Variants in CELF2 observed in about 807,000 individuals in gnomAD.
CELF2 encodes the protein CUGBP Elav-like family member 2, also known as CUG triplet repeat RNA-binding protein 2.
In CELF2, 8 loss-of-function variants were observed where a neutral mutation model predicts 62.6. The observed-to-expected ratio is 0.13, with a 90% confidence interval of 0.07 to 0.23. The LOEUF (loss-of-function observed/expected upper bound fraction) is 0.23. Ranked by LOEUF, CELF2 falls within the 10% of genes least tolerant of loss-of-function variation. The pLI is 1.00. For synonymous variants in CELF2, 258 were observed against 250.0 expected, an observed-to-expected ratio of 1.03 and a Z score of -0.30; for missense variants, 333 against 671.0, an observed-to-expected ratio of 0.50 and a Z score of 5.56.
At chr10:10,724,932 G>A in the CELF2 span, among the ~76,000 whole-genome samples, 1 of 147,658 alleles carries the variant, frequency 6.8e-6, no homozygotes, top group African/African-American at 2.5e-5. Flanking sequence ...TCTGAAGGGG[G>A]CATGATTTTT....
chr10:10,763,594 ATAAACCATG>A, the CELF2 span, among the ~76,000 whole-genome samples: 2 of 152,252 alleles, frequency 1.3e-5, no homozygotes, highest in African/African-American at 4.8e-5. Flanking sequence ...AAACCAACAT[ATAAACCATG>A]TCTCTTTTGT....
intron 4 of CELF2, among the ~76,000 whole-genome samples, chr10:11,249,799 C>G (rs754619092): frequency 6.6e-6 from 1 of 152,154 alleles, no homozygotes; most frequent in Admixed American, 6.5e-5. Context: ...TTTGCCTATT[C>G]GAGACATGAG....
chr10:10,477,435 C>G, the CELF2 span, among the ~76,000 whole-genome samples: 1 of 152,050 alleles, frequency 6.6e-6, no homozygotes, highest in Non-Finnish European at 1.5e-5. Flanking sequence ...CTGGTTTGCC[C>G]AAGTCATAGT....
At chr10:10,625,913 CTT>C in the CELF2 span, among the ~76,000 whole-genome samples, 1 of 145,772 alleles carries the variant, frequency 6.9e-6, no homozygotes, top group African/African-American at 2.5e-5. Context: ...TCATGTGATT[CTT>C]TTTTTTTTTT....
intron 1 of CELF2, among the ~76,000 whole-genome samples, chr10:11,100,398 G>T (rs749345465): frequency 6.9e-6 from 1 of 144,946 alleles, no homozygotes; most frequent in Non-Finnish European, 1.5e-5. Context: ...AGTAGTTTTT[G>T]GGGTACAGGT....
chr10:10,902,424 GA>G (rs1410798708), intron 1 of CELF2, among the ~76,000 whole-genome samples: 2 of 152,240 alleles, frequency 1.3e-5, no homozygotes, highest in African/African-American at 4.8e-5. Flanking sequence ...GAAAGGTAAT[GA>G]GATGTTTATA....
the CELF2 span, among the ~76,000 whole-genome samples, chr10:10,491,868 C>A: frequency 7.9e-5 from 12 of 152,142 alleles, no homozygotes; most frequent in Non-Finnish European, 1.5e-5. Flanking sequence ...TACATACAAG[C>A]CCAAATGATC....
At chr10:11,083,499 T>C (rs2074583952) in intron 1 of CELF2, among the ~76,000 whole-genome samples, 1 of 152,300 alleles carries the variant, frequency 6.6e-6, no homozygotes, top group East Asian at 1.9e-4. Context: ...ATAACCAGCC[T>C]ATCAAGGATG....
intron 1 of CELF2, among the ~76,000 whole-genome samples, chr10:11,112,842 A>G (rs1595523694): frequency 2.0e-5 from 3 of 152,216 alleles, no homozygotes; most frequent in Non-Finnish European, 2.9e-5. Flanking sequence ...TGCGTAGCCC[A>G]TATCCGAAGC....
At chr10:10,501,612 A>G in the CELF2 span, among the ~76,000 whole-genome samples, 1 of 152,172 alleles carries the variant, frequency 6.6e-6, no homozygotes, top group African/African-American at 2.4e-5. Flanking sequence ...GTTGGTATAT[A>G]CAAGTGCAAC....
chr10:10,671,670 T>C, the CELF2 span, among the ~76,000 whole-genome samples: 4 of 152,220 alleles, frequency 2.6e-5, no homozygotes, highest in East Asian at 7.7e-4. Context: ...TTAATTTATG[T>C]TTTTCTGATG....
At chr10:11,079,288 T>C (rs2073186206) in intron 1 of CELF2, among the ~76,000 whole-genome samples, 1 of 152,210 alleles carries the variant, frequency 6.6e-6, no homozygotes, top group Non-Finnish European at 1.5e-5. Flanking sequence ...AATAGCTTTA[T>C]GTTCCCATCT....
At chr10:10,594,163 T>A in the CELF2 span, among the ~76,000 whole-genome samples, 30 of 152,216 alleles carry the variant, frequency 2.0e-4, no homozygotes, top group East Asian at 5.6e-3. Flanking sequence ...GAGTTTAGCA[T>A]TGGCAAAACA....
At chr10:11,001,382 T>A (rs2054504749), upstream of CELF2, among the ~76,000 whole-genome samples, 1 of 152,220 alleles carries the variant, frequency 6.6e-6, no homozygotes, top group South Asian at 2.1e-4. Context: ...ATATTTTGTA[T>A]TAACACTTCC....
At chr10:10,776,450 AG>A in the CELF2 span, 1 of 154,448 alleles carries the variant, frequency 6.5e-6, no homozygotes. Flanking sequence ...TACCCTGGTC[AG>A]GGGTTTCCAA....
intron 1 of CELF2, among the ~76,000 whole-genome samples, chr10:11,133,301 G>A (rs1177304571): frequency 6.6e-6 from 1 of 152,138 alleles, no homozygotes; most frequent in Middle Eastern, 3.2e-3. Flanking sequence ...TCTTACTTTA[G>A]AATGGAATTC....
intron 1 of CELF2, among the ~76,000 whole-genome samples, chr10:11,088,849 G>A (rs1387101832): frequency 6.6e-6 from 1 of 152,218 alleles, no homozygotes; most frequent in Non-Finnish European, 1.5e-5. Flanking sequence ...GCTGGCTGAG[G>A]ACTGGAGTCA....
rs570403491 is a variant in CELF2 at position 11,315,193 on chromosome 10, C to CGT, written c.1096+936_1096+937dup. ...GGGACATGTAATTTCCCTGTCCCTC[C>CGT]GTTTCAGATCCCCTGGTTGCCTGAG... On this transcript the variant is annotated intron_variant, in intron 10 of 12. Coordinates refer to ENST00000633077, the MANE Select transcript of CELF2 (RefSeq NM_001326342.2). This position sits in a 1 kb window ranked among gnomAD's most constrained non-coding sequence, Gnocchi z 5.8. Among the ~76,000 whole-genome samples, 126 of 152,248 alleles carry CGT rather than the reference C, an allele frequency of 8.3e-4. No homozygotes were observed. Among genetic ancestry groups the CGT allele is most frequent in the Middle Eastern group, 3.4e-3 (1 of 294 alleles).
In CELF2 at chr10:11,157,935, T is replaced by C. The variant is rs1055175404; in HGVS notation, c.75-7551T>C. The stretch of plus-strand genomic sequence containing the variant: ...CTAGTCTGCAGGGAATCAGATGTCG[T>C]GTGTCTTTCGTTTGCCCCCCTTGAT... On this transcript the variant is annotated intron_variant, in intron 1 of 12. Coordinates refer to ENST00000633077, the MANE Select transcript of CELF2 (RefSeq NM_001326342.2). The surrounding 1 kb of genome is among the most constrained non-coding windows in gnomAD (Gnocchi z 4.9). 6.6e-6 allele frequency among the ~76,000 whole-genome samples: 1 copy of C among 152,226 alleles called. No individual in the cohort carries two copies. The highest frequency in any genetic ancestry group is 2.4e-5 in the African/African-American group (1 of 41,458).
Sources: allele counts gnomAD v4.1 joint callset (sites outside exome capture counted in the v4.1 genomes callset), GRCh38; gene constraint gnomAD v4.1.1; non-coding constraint Gnocchi (gnomAD v3.1); transcripts MANE v1.5; gene names NCBI Gene and HGNC (gene_info 2026-07-23, HGNC 2026-07-21).